The following SLC16A12 variants were observed in gnomAD, a reference collection of about 807,000 sequenced individuals.
SLC16A12 encodes solute carrier family 16 member 12.
In SLC16A12, 17 loss-of-function variants were observed where a neutral mutation model predicts 42.4. The ratio of observed to expected loss-of-function variants is 0.40; its 90% CI spans 0.27 to 0.60. The LOEUF (loss-of-function observed/expected upper bound fraction) is 0.60, where lower values mean the gene tolerates loss of function less well. Among genes scored for constraint, SLC16A12 ranks in the 20% least tolerant of loss-of-function variants. The probability of loss-of-function intolerance (pLI) is 0.42; values close to 1 mark genes in which losing one functional copy is unlikely to be tolerated. For synonymous variants in SLC16A12, 224 were observed against 229.4 expected (o/e 0.98, Z 0.21); for missense variants, 544 against 623.0 (o/e 0.87, Z 1.35).
chr10:89,464,226 G>A (rs1405451010), intron 2 of SLC16A12, among the ~76,000 whole-genome samples: 1 of 152,176 alleles, frequency 6.6e-6, no homozygotes, highest in Non-Finnish European at 1.5e-5. Flanking sequence ...AAGTGAGCCT[G>A]GAAGCAGATT....
chr10:89,518,179 G>A (rs72816736), intron 2 of SLC16A12, among the ~76,000 whole-genome samples: 12,034 of 152,210 alleles, frequency 0.079, 756 homozygotes, highest in East Asian at 0.3. Context: ...GCCCTCCACT[G>A]GTAAGGAGCT....
intron 2 of SLC16A12, among the ~76,000 whole-genome samples, chr10:89,467,747 T>C (rs1250828516): frequency 6.6e-6 from 1 of 152,240 alleles, no homozygotes; most frequent in Non-Finnish European, 1.5e-5. Flanking sequence ...AAAACTGTGT[T>C]AAATATCATT....
chr10:89,436,345 G>A (rs1356901797), intron 6 of SLC16A12, 26 bp from the exon 7 acceptor site: 1 of 1,613,776 alleles, frequency 6.2e-7, no homozygotes, highest in Non-Finnish European at 8.5e-7. Flanking sequence ...ACAAGAATAA[G>A]TGCAGGAGGT....
At chr10:89,509,954 G>A (rs113605177) in intron 2 of SLC16A12, among the ~76,000 whole-genome samples, 10,055 of 151,924 alleles carry the variant, frequency 0.066, 473 homozygotes, top group African/African-American at 0.13. Context: ...ATAACAGACA[G>A]AGAGCCAATT....
intron 2 of SLC16A12, among the ~76,000 whole-genome samples, chr10:89,513,150 A>G (rs1843191029): frequency 1.3e-5 from 2 of 152,188 alleles, no homozygotes; most frequent in Admixed American, 6.5e-5. Context: ...GGTAAATTTT[A>G]TGTTATGTAC....
chr10:89,527,606 G>GA, intron 2 of SLC16A12, among the ~76,000 whole-genome samples: 1 of 149,264 alleles, frequency 6.7e-6, no homozygotes, highest in Non-Finnish European at 1.5e-5. Flanking sequence ...GTCCAGCCTG[G>GA]AAAAACATAG....
chr10:89,536,803 T>C (rs571210811), upstream of SLC16A12, among the ~76,000 whole-genome samples: 1 of 152,278 alleles, frequency 6.6e-6, no homozygotes, highest in South Asian at 2.1e-4. Flanking sequence ...TCGCTGTATG[T>C]CAAAATTTCA....
chr10:89,505,199 G>A (rs1843041796), intron 2 of SLC16A12, among the ~76,000 whole-genome samples: 1 of 152,122 alleles, frequency 6.6e-6, no homozygotes, highest in African/African-American at 2.4e-5. Context: ...TATAATGTAT[G>A]TAAATAGGAG....
upstream of SLC16A12, among the ~76,000 whole-genome samples, chr10:89,536,275 C>T (rs977500659): frequency 6.6e-6 from 1 of 152,138 alleles, no homozygotes; most frequent in African/African-American, 2.4e-5. Flanking sequence ...CCCTGCTAGC[C>T]AATCCTTCCC....
intron 2 of SLC16A12, among the ~76,000 whole-genome samples, chr10:89,555,489 AT>A (rs1843804682): frequency 6.8e-6 from 1 of 147,060 alleles, no homozygotes; most frequent in Non-Finnish European, 1.5e-5. Context: ...ATATATACGT[AT>A]ATATACGTAT....
At chr10:89,461,645 T>C (rs1245770533) in intron 3 of SLC16A12, among the ~76,000 whole-genome samples, 6 of 152,250 alleles carry the variant, frequency 3.9e-5, no homozygotes, top group African/African-American at 1.4e-4. Flanking sequence ...TTATGAATTA[T>C]AGATCACACA....
Position 89,432,225 on chromosome 10 carries a change from G to C in SLC16A12, c.*839C>G, listed in dbSNP as rs1027227831. 24 of 152,724 alleles carry C rather than the reference G, an allele frequency of 1.6e-4. No individual in the cohort carries two copies. The highest frequency in any genetic ancestry group is 5.8e-4 in the African/African-American group (24 of 41,582). The allele number at this position is 152,724 out of a possible 1,614,324, so 9.5% of individuals were successfully genotyped here. Reference sequence around the variant, plus strand: ...TTGTTGACATTTCAGGTAAGATTGAGAGGTTGTCCTTGTGACTAAGTGTGT... The same window carrying C: ...TTGTTGACATTTCAGGTAAGATTGACAGGTTGTCCTTGTGACTAAGTGTGT... On this transcript the variant is annotated 3_prime_UTR_variant, in exon 8 of 8. Coordinates refer to ENST00000371790, the MANE Select transcript of SLC16A12 (RefSeq NM_213606.4).
chr10:89,521,992 G>C (rs546515787), intron 2 of SLC16A12, among the ~76,000 whole-genome samples: 5 of 152,128 alleles, frequency 3.3e-5, no homozygotes, highest in African/African-American at 4.8e-5. Context: ...AGTCCAGACC[G>C]TCCTTAGGAC....
At chr10:89,535,917 C>T (rs180982909), upstream of SLC16A12, among the ~76,000 whole-genome samples, 1 of 152,238 alleles carries the variant, frequency 6.6e-6, no homozygotes, top group African/African-American at 2.4e-5. Flanking sequence ...GCTCGGCCTT[C>T]GAAATGCACC....
intron 2 of SLC16A12, among the ~76,000 whole-genome samples, chr10:89,471,450 G>A (rs1842491896): frequency 6.6e-6 from 1 of 152,172 alleles, no homozygotes; most frequent in Non-Finnish European, 1.5e-5. Flanking sequence ...CATTCAGTTT[G>A]TTGTGTGTAT....
chr10:89,442,938 T>C lies in SLC16A12; in HGVS notation c.304+818A>G, dbSNP rs546706061. Among the ~76,000 whole-genome samples the C allele has an allele frequency of 9.8e-5, 15 of 152,338 alleles. No homozygotes were observed. In the South Asian group the frequency reaches 2.1e-3, roughly 21 times the overall value. On this transcript the variant is annotated intron_variant, in intron 4 of 7. Transcript: ENST00000371790. ...ATTTCCGAAAATACTCAGAACTCAT[T>C]GAAATGAATGGATTAAGTGGGTCTA...
chr10:89,511,454 A>G (rs1285647057), intron 2 of SLC16A12, among the ~76,000 whole-genome samples: 1 of 152,200 alleles, frequency 6.6e-6, no homozygotes, highest in Non-Finnish European at 1.5e-5. Flanking sequence ...CTGGAAACCC[A>G]TCATTCTCAG....
chr10:89,486,603 A>AAAAGAAAGAAAG lies in SLC16A12; in HGVS notation c.-46-23991_-46-23980dup, dbSNP rs141642264. ...TGAAACCTTGTCTCAAAAAAAAAAA[A>AAAAGAAAGAAAG]AAAGAAAGAAAGAAAGAAAGAAAGA... On this transcript the variant is annotated intron_variant, in intron 2 of 7. Transcript: ENST00000371790. Among the ~76,000 whole-genome samples, 255 of 70,376 alleles carry AAAAGAAAGAAAG rather than the reference A, an allele frequency of 3.6e-3. 2 individuals carry two copies. The highest frequency in any genetic ancestry group is 5.4e-3 in the South Asian group (10 of 1,838). The allele number at this position is 70,376 out of a possible 152,430, so 46.2% of individuals were successfully genotyped here. A position where few individuals can be genotyped will look rare whatever the true frequency, so the allele number is the denominator to read the frequency against.
intron 2 of SLC16A12, among the ~76,000 whole-genome samples, chr10:89,554,904 T>C (rs930102742): frequency 6.6e-6 from 1 of 152,174 alleles, no homozygotes; most frequent in African/African-American, 2.4e-5. Flanking sequence ...TAAACATTTC[T>C]AAGATAATAT....
Sources: gnomAD v4.1 joint callset for allele counts (sites outside exome capture counted in the v4.1 genomes callset) on GRCh38, gnomAD v4.1.1 for gene constraint, MANE v1.5 for transcripts, NCBI Gene and HGNC (gene_info 2026-07-23, HGNC 2026-07-21) for gene names.